CLVS1: variants seen among roughly 807,000 people sequenced by gnomAD.
CLVS1 encodes the protein clavesin-1.
In CLVS1, 10 loss-of-function variants were observed where a neutral mutation model predicts 33.1. The observed-to-expected ratio is 0.30, with a 90% CI of 0.19 to 0.51. The LOEUF (loss-of-function observed/expected upper bound fraction) is 0.51. Among genes scored for constraint, CLVS1 ranks in the 20% least tolerant of loss-of-function variants. The pLI, the probability that CLVS1 is intolerant of heterozygous loss-of-function variation, is 0.97. For missense variants in CLVS1, 343 were observed against 433.4 expected, an observed-to-expected ratio of 0.79 and a Z score of 1.85; for synonymous variants, 163 against 166.1, an observed-to-expected ratio of 0.98 and a Z score of 0.14.
chr8:61,441,552 G>C (rs1269621451), intron 3 of CLVS1, among the ~76,000 whole-genome samples: 10 of 152,188 alleles, frequency 6.6e-5, no homozygotes, highest in Non-Finnish European at 1.3e-4. Context: ...GTGATATTGA[G>C]TTCAGGTATG....
At chr8:61,407,960 G>T (rs146737300) in intron 3 of CLVS1, among the ~76,000 whole-genome samples, 1 of 152,238 alleles carries the variant, frequency 6.6e-6, no homozygotes, top group African/African-American at 2.4e-5. Context: ...CATTTGCTAA[G>T]TTTTGTGTAC....
intron 3 of CLVS1, among the ~76,000 whole-genome samples, chr8:61,413,246 G>A (rs1432261045): frequency 6.6e-6 from 1 of 152,148 alleles, no homozygotes; most frequent in Non-Finnish European, 1.5e-5. Context: ...CAACTCATAT[G>A]CTACAGTAAT....
In CLVS1 at chr8:61,265,509, G is replaced by A. The variant is rs1031857385; in HGVS notation, c.-151-34168G>A. ...TTAAATGTAAAGCACTCAATTTAGT[G>A]CCTAACACATCGTCAATTCTATGAG... On this transcript the variant is annotated intron_variant, in intron 2 of 2. Coordinates refer to the CLVS1 transcript ENST00000522621. Among the ~76,000 whole-genome samples, 6 of 152,252 alleles carry A rather than the reference G, an allele frequency of 3.9e-5. No homozygotes were observed. The East Asian group carries it at 9.6e-4, about 24-fold the overall frequency.
intron 2 of CLVS1, among the ~76,000 whole-genome samples, chr8:61,326,137 C>A (rs532609870): frequency 1.3e-5 from 2 of 152,270 alleles, no homozygotes; most frequent in South Asian, 4.1e-4. Context: ...CCTTCATTTG[C>A]AACACAGAAC....
chr8:61,376,639 C>T lies in CLVS1; in HGVS notation c.490C>T (p.Leu164=). Residue 164 remains leucine, a synonymous_variant, in exon 3 of 6, where the codon CTG becomes TTG. Coordinates refer to ENST00000325897, the MANE Select transcript of CLVS1 (RefSeq NM_173519.3). The part of the protein sequence containing the change: ...SFTDILRAIL[L]SLEVLIEDPE... ...CACAGACATCCTTCGTGCCATCCTG[C>T]TGTCATTGGAAGTCCTAATCGAAGA... is the stretch of plus-strand genomic sequence containing the variant. 1 of 1,614,076 alleles carries T rather than the reference C, an allele frequency of 6.2e-7. No individual in the cohort carries two copies. The highest frequency in any genetic ancestry group is 8.5e-7 in the Non-Finnish European group (1 of 1,179,958).
the CLVS1 span, among the ~76,000 whole-genome samples, chr8:61,001,876 C>T: frequency 6.6e-6 from 1 of 152,212 alleles, no homozygotes; most frequent in Non-Finnish European, 1.5e-5. Flanking sequence ...CAAGATTTGT[C>T]TCAGAAGCCA....
chr8:61,494,786 T>G (rs1186112112), intron 5 of CLVS1, among the ~76,000 whole-genome samples: 2 of 152,158 alleles, frequency 1.3e-5, no homozygotes, highest in African/African-American at 4.8e-5. Context: ...AAAAGCAACA[T>G]TTACTTTCTA....
chr8:61,127,780 A>G (rs1806003705), intron 1 of CLVS1, among the ~76,000 whole-genome samples: 2 of 152,224 alleles, frequency 1.3e-5, no homozygotes, highest in Non-Finnish European at 2.9e-5. Flanking sequence ...AAGTCTAGAC[A>G]GATATTCCCT....
intron 5 of CLVS1, among the ~76,000 whole-genome samples, chr8:61,469,453 C>T (rs915856898): frequency 3.3e-5 from 5 of 152,100 alleles, no homozygotes; most frequent in Admixed American, 1.3e-4. Flanking sequence ...TGAGAATGCC[C>T]GGATTAAATT....
chr8:61,122,473 T>C (rs7002787), intron 1 of CLVS1, among the ~76,000 whole-genome samples: 59,507 of 151,636 alleles, frequency 0.39, 13,157 homozygotes, highest in East Asian at 0.82. Context: ...TACTGGCAAG[T>C]CTTTGCAATC....
the CLVS1 span, among the ~76,000 whole-genome samples, chr8:60,999,634 A>G: frequency 6.6e-6 from 1 of 152,246 alleles, no homozygotes. Flanking sequence ...ATTTGTTTGA[A>G]TAAGTAAGCA....
the CLVS1 span, among the ~76,000 whole-genome samples, chr8:60,991,187 A>G: frequency 6.6e-6 from 1 of 152,228 alleles, no homozygotes; most frequent in African/African-American, 2.4e-5. Flanking sequence ...AACAACATGC[A>G]AAATAGTCAA....
intron 2 of CLVS1, among the ~76,000 whole-genome samples, chr8:61,239,788 C>T (rs1490815216): frequency 3.3e-5 from 5 of 152,180 alleles, no homozygotes; most frequent in African/African-American, 1.2e-4. Flanking sequence ...AGTGCTTCCT[C>T]TGAGCCAGTT....
intron 2 of CLVS1, chr8:61,202,575 A>G: frequency 2.4e-6 from 3 of 1,264,356 alleles, no homozygotes; most frequent in Non-Finnish European, 3.4e-6. Flanking sequence ...TTAAAGTAAC[A>G]CTGGCAACTT....
intron 2 of CLVS1, among the ~76,000 whole-genome samples, chr8:61,251,091 T>C (rs28862884): frequency 0.63 from 95,638 of 152,002 alleles, 33,183 homozygotes; most frequent in East Asian, 0.96. Context: ...TACGTTCCAT[T>C]GATACCTAGT....
intron 2 of CLVS1, among the ~76,000 whole-genome samples, chr8:61,268,113 C>G (rs917316857): frequency 6.6e-6 from 1 of 151,600 alleles, no homozygotes; most frequent in Non-Finnish European, 1.5e-5. Flanking sequence ...TGCACTGCAC[C>G]CACTAACTCA....
intron 2 of CLVS1, among the ~76,000 whole-genome samples, chr8:61,216,841 T>G (rs999834210): frequency 6.6e-6 from 1 of 152,168 alleles, no homozygotes; most frequent in Admixed American, 6.5e-5. Flanking sequence ...AGATTTCTTA[T>G]TGGTGTTCTT....
chr8:61,083,125 CA>C (rs1306130302), intron 1 of CLVS1, among the ~76,000 whole-genome samples: 1 of 151,932 alleles, frequency 6.6e-6, no homozygotes, highest in Non-Finnish European at 1.5e-5. Context: ...AGTAGGAAAA[CA>C]GAATCTATGT....
At chr8:60,979,741 G>A in the CLVS1 span, among the ~76,000 whole-genome samples, 2 of 152,210 alleles carry the variant, frequency 1.3e-5, no homozygotes, top group Non-Finnish European at 2.9e-5. Context: ...CACAAGAAGA[G>A]TTGTAGCTGG....
Sources: allele counts gnomAD v4.1 joint callset (sites outside exome capture counted in the v4.1 genomes callset), GRCh38; gene constraint gnomAD v4.1.1; transcripts MANE v1.5; gene names NCBI Gene and HGNC (gene_info 2026-07-23, HGNC 2026-07-21).